Variants in FAM20A observed in about 807,000 individuals in gnomAD.
FAM20A encodes the protein pseudokinase FAM20A.
FAM20A carries 42 observed loss-of-function variants against 52.0 expected under a neutral mutation model. The observed-to-expected ratio is 0.81, with a 90% CI of 0.63 to 1.04. FAM20A has a LOEUF of 1.04. FAM20A is among the 50% of genes least tolerant of loss of function. The probability of loss-of-function intolerance (pLI) is 0.00; values close to 1 mark genes in which losing one functional copy is unlikely to be tolerated. For synonymous variants in FAM20A, 304 were observed against 298.9 expected (o/e 1.02, Z -0.18); for missense variants, 742 against 712.7 (o/e 1.04, Z -0.47).
intron 1 of FAM20A, among the ~76,000 whole-genome samples, chr17:68,556,375 T>C (rs1350999213): frequency 6.6e-6 from 1 of 152,224 alleles, no homozygotes; most frequent in East Asian, 1.9e-4. Flanking sequence ...ATGTAGACTG[T>C]AATTTAGGAG....
At chr17:68,552,316 C>T (rs8068202) in intron 3 of FAM20A, among the ~76,000 whole-genome samples, 81,526 of 152,012 alleles carry the variant, frequency 0.54, 22,345 homozygotes, top group East Asian at 0.75. Context: ...ACTGAAAACC[C>T]TGAAGAATGT....
At chr17:68,599,304 C>T (rs901520888) in intron 1 of FAM20A, among the ~76,000 whole-genome samples, 1 of 152,168 alleles carries the variant, frequency 6.6e-6, no homozygotes, top group Non-Finnish European at 1.5e-5. Context: ...ATAGTGAACT[C>T]TGCATGTGAG....
At chr17:68,574,535 A>T (rs73363280) in intron 1 of FAM20A, among the ~76,000 whole-genome samples, 5,000 of 152,230 alleles carry the variant, frequency 0.033, 266 homozygotes, top group African/African-American at 0.11. Context: ...CACATTGGAG[A>T]TTAAGTTTTA....
At chr17:68,547,157 T>C (rs1337417641) in intron 4 of FAM20A, among the ~76,000 whole-genome samples, 2 of 152,186 alleles carry the variant, frequency 1.3e-5, no homozygotes, top group Non-Finnish European at 2.9e-5. Flanking sequence ...GCATCACTCT[T>C]GAGGGCCTGA....
At position 68,600,409 on chromosome 17, in the gene FAM20A, G is replaced by A; in HGVS notation, c.258C>T (p.Ser86=). Residue 86 remains serine, a synonymous_variant, in exon 1 of 11, where the codon AGC becomes AGT. Transcript: ENST00000592554. This position sits in a 1 kb window ranked among gnomAD's most constrained non-coding sequence, Gnocchi z 6.2. ...GGGCCTGCAACTTGGAGCTCGACCC[G>A]CTGTGGCTGCCGCCAGCCGGTTCAG... is the stretch of plus-strand genomic sequence containing the variant. ...PRTEPAGGSH[S]GSSSKLQALF... is the part of the protein sequence containing the mutation. 1 of 1,609,200 alleles carries A rather than the reference G, an allele frequency of 6.2e-7. No homozygotes were observed. Among genetic ancestry groups the A allele is most frequent in the Non-Finnish European group, 8.5e-7 (1 of 1,178,568 alleles).
intron 1 of FAM20A, among the ~76,000 whole-genome samples, chr17:68,571,987 C>CATATATATATAT (rs57442973): frequency 2.3e-4 from 10 of 43,754 alleles, no homozygotes; most frequent in South Asian, 1.0e-3. Context: ...TATATACATA[C>CATATATATATAT]ATATATATAT....
rs560902488 is a variant in FAM20A, at chr17:68,541,318, C to T, written c.1110-360G>A. On this transcript the variant is annotated intron_variant, in intron 7 of 10. Coordinates refer to ENST00000592554, the MANE Select transcript of FAM20A (RefSeq NM_017565.4). ...CTTGGACCCTGCGCCACTCATAGCA[C>T]CTCCATGGGCTGTTCCTGCCCTTTC... The T allele has an allele frequency of 1.3e-5, 4 of 302,174 alleles. No homozygotes were observed. The East Asian group carries it at 2.4e-4, about 18-fold the overall frequency. 18.7% of individuals were successfully genotyped at this position (302,174 alleles called of 1,614,324 possible).
chr17:68,599,712 T>C (rs1293055924), intron 1 of FAM20A, among the ~76,000 whole-genome samples: 3 of 152,156 alleles, frequency 2.0e-5, no homozygotes, highest in Non-Finnish European at 4.4e-5. Flanking sequence ...GATGACCCCC[T>C]TGTGATCTCT....
chr17:68,600,769 TG>T lies in FAM20A; in HGVS notation c.-104del. ...GAAGAGGTGCCTGGAGTCCCGCGGG[TG>T]GGCCGGGGTCAGTGAGACCGGAATG... On this transcript the variant is annotated 5_prime_UTR_variant, in exon 1 of 11. Coordinates refer to ENST00000592554, the MANE Select transcript of FAM20A (RefSeq NM_017565.4). This position sits in a 1 kb window ranked among gnomAD's most constrained non-coding sequence, Gnocchi z 6.2. 7.6e-7 allele frequency: 1 copy of T among 1,320,638 alleles called. No individual in the cohort carries two copies. Among genetic ancestry groups the T allele is most frequent in the East Asian group, 2.6e-5 (1 of 37,874 alleles). 81.8% of individuals were successfully genotyped at this position (1,320,638 alleles called of 1,614,324 possible).
At chr17:68,566,683 A>G (rs60871479) in intron 1 of FAM20A, among the ~76,000 whole-genome samples, 24,030 of 152,198 alleles carry the variant, frequency 0.16, 2,133 homozygotes, top group East Asian at 0.34. Flanking sequence ...TAGGTATACA[A>G]TGTATCTCTC....
intron 4 of FAM20A, among the ~76,000 whole-genome samples, chr17:68,551,606 C>G (rs993504326): frequency 1.3e-5 from 2 of 151,626 alleles, no homozygotes; most frequent in Non-Finnish European, 2.9e-5. Context: ...TAAGCTTGCC[C>G]GTGAACCAAG....
chr17:68,573,658 CCTTTCTTTTCTTT>C (rs980256014), intron 1 of FAM20A, among the ~76,000 whole-genome samples: 13 of 147,958 alleles, frequency 8.8e-5, no homozygotes, highest in East Asian at 5.9e-4. Flanking sequence ...TTCCTTTCTT[CCTTTCTTTTCTTT>C]CTTTCTTTTC....
intron 5 of FAM20A, 61 bp downstream of exon 5, chr17:68,543,568 C>G (rs1174003844): frequency 6.8e-7 from 1 of 1,467,126 alleles, no homozygotes; most frequent in Non-Finnish European, 9.6e-7. Flanking sequence ...GTCTGTCTAG[C>G]CACCCCTCCC....
At chr17:68,598,277 T>A (rs1265450094) in intron 1 of FAM20A, 1 of 152,184 alleles carries the variant, frequency 6.6e-6, no homozygotes, top group Non-Finnish European at 1.5e-5. Flanking sequence ...AATGTTGCGA[T>A]TACAGGTGTG....
At chr17:68,543,460 G>C (rs375077764) in intron 5 of FAM20A, among the ~76,000 whole-genome samples, 169 bp downstream of exon 5, 17 of 152,248 alleles carry the variant, frequency 1.1e-4, no homozygotes, top group Admixed American at 4.6e-4. Flanking sequence ...CAATCTGGGG[G>C]GTTGCATGGG....
chr17:68,542,607 G>A (rs1229759992), intron 6 of FAM20A, 87 bp downstream of exon 6: 2 of 980,520 alleles, frequency 2.0e-6, no homozygotes, highest in African/African-American at 1.6e-5. Flanking sequence ...CTAGCAGCAG[G>A]GTGTCAGGCC....
At chr17:68,578,943 A>T (rs2087858643) in intron 1 of FAM20A, among the ~76,000 whole-genome samples, 1 of 141,064 alleles carries the variant, frequency 7.1e-6, no homozygotes, top group Admixed American at 7.5e-5. Flanking sequence ...TGAACCCGGG[A>T]GGCAGAGGTT....
chr17:68,571,998 A>AT (rs1181047885), intron 1 of FAM20A, among the ~76,000 whole-genome samples: 68 of 27,436 alleles, frequency 2.5e-3, no homozygotes, highest in African/African-American at 0.011. Flanking sequence ...ATATATATAT[A>AT]TATATATATA....
chr17:68,535,288 G>A lies in FAM20A; in HGVS notation c.*2189C>T, dbSNP rs1027757169. The A allele has an allele frequency of 2.2e-6, 1 of 453,966 alleles. No individual in the cohort carries two copies. The highest frequency in any genetic ancestry group is 2.0e-5 in the African/African-American group (1 of 50,000). The allele number at this position is 453,966 out of a possible 1,614,324, so 28.1% of individuals were successfully genotyped here. The stretch of plus-strand genomic sequence containing the variant: ...GGTTGAAAGATAAGTGAATAATAAG[G>A]TAGGTGTACCACATATCATGGTGAA... On this transcript the variant is annotated 3_prime_UTR_variant, in exon 11 of 11. Transcript: ENST00000592554.
Sources: allele counts gnomAD v4.1 joint callset (sites outside exome capture counted in the v4.1 genomes callset), GRCh38; gene constraint gnomAD v4.1.1; non-coding constraint Gnocchi (gnomAD v3.1); transcripts MANE v1.5; gene names NCBI Gene and HGNC (gene_info 2026-07-23, HGNC 2026-07-21).